Variants in HERC4 observed in about 807,000 individuals in gnomAD.
HERC4 encodes HECT and RLD domain containing E3 ubiquitin protein ligase 4, also known as probable E3 ubiquitin-protein ligase HERC4.
In HERC4, 28 loss-of-function variants were observed where a neutral mutation model predicts 124.3. The ratio of observed to expected loss-of-function variants is 0.23; its 90% CI spans 0.17 to 0.31. The LOEUF (loss-of-function observed/expected upper bound fraction) is 0.31. Among genes scored for constraint, HERC4 ranks in the 10% least tolerant of loss-of-function variants. HERC4 has a pLI of 1.00. For synonymous variants in HERC4, 407 were observed against 421.5 expected (o/e 0.97, Z 0.42); for missense variants, 713 against 1,229.3 (o/e 0.58, Z 6.28).
At chr10:67,987,319 A>C (rs998354168) in intron 15 of HERC4, among the ~76,000 whole-genome samples, 1 of 152,192 alleles carries the variant, frequency 6.6e-6, no homozygotes, top group Non-Finnish European at 1.5e-5. Context: ...AGACACAGCT[A>C]AGAAAAAAAA....
At chr10:67,988,937 T>A in intron 14 of HERC4, 102 bp from the exon 15 acceptor site, 1 of 874,354 alleles carries the variant, frequency 1.1e-6, no homozygotes, top group Admixed American at 2.5e-5. Context: ...TTGTTAAACC[T>A]GAGAAAACCC....
intron 9 of HERC4, chr10:68,010,848 CT>C: frequency 6.5e-7 from 1 of 1,532,504 alleles, no homozygotes; most frequent in Non-Finnish European, 9.0e-7. Flanking sequence ...TGCTCAAGTT[CT>C]TTCTGCAGAG....
intron 3 of HERC4, among the ~76,000 whole-genome samples, chr10:68,049,228 GAA>G (rs2040163655): frequency 6.6e-6 from 1 of 151,738 alleles, no homozygotes; most frequent in Non-Finnish European, 1.5e-5. Context: ...ACATTGTTAT[GAA>G]AAGATCCCCA....
In HERC4 at chr10:67,956,730, T is replaced by C; in HGVS notation, c.2025+148A>G. On this transcript the variant is annotated intron_variant, in intron 17 of 24. Transcript: ENST00000373700. ...TTTTATAAATGTTCTCATAAGAATA[T>C]ACATATCACATGCAGCAGTCTTCTT... is the stretch of plus-strand genomic sequence containing the variant. 6.6e-6 allele frequency: 3 copies of C among 452,692 alleles called. No individual in the cohort carries two copies. The East Asian group carries it at 9.5e-5, about 14-fold the overall frequency. 28.0% of individuals were successfully genotyped at this position (452,692 alleles called of 1,614,324 possible). A position where few individuals can be genotyped will look rare whatever the true frequency, so the allele number is the denominator to read the frequency against.
At chr10:68,060,530 C>G (rs746368133) in intron 3 of HERC4, among the ~76,000 whole-genome samples, 1 of 152,114 alleles carries the variant, frequency 6.6e-6, no homozygotes, top group Non-Finnish European at 1.5e-5. Flanking sequence ...TGAGCCACCG[C>G]GTCCAGCCAT....
At chr10:68,060,528 C>G (rs945113209) in intron 3 of HERC4, among the ~76,000 whole-genome samples, 8 of 152,098 alleles carry the variant, frequency 5.3e-5, no homozygotes, top group African/African-American at 1.9e-4. Flanking sequence ...CGTGAGCCAC[C>G]GCGTCCAGCC....
At chr10:68,018,073 GAAT>G (rs762104514) in intron 8 of HERC4, among the ~76,000 whole-genome samples, 2 of 151,764 alleles carry the variant, frequency 1.3e-5, no homozygotes, top group Non-Finnish European at 1.5e-5. Context: ...CTGGTGAAAA[GAAT>G]AATAAGAAAA....
chr10:68,048,774 C>T (rs1346868291), intron 3 of HERC4, among the ~76,000 whole-genome samples: 1 of 152,164 alleles, frequency 6.6e-6, no homozygotes, highest in Non-Finnish European at 1.5e-5. Flanking sequence ...TAGAAGGGAA[C>T]TCTTTATTTT....
At position 68,033,224 on chromosome 10, in the gene HERC4, GA is replaced by G. The variant is rs34940978; in HGVS notation, c.686-356del. ...CCACAGGAGCCTACTTAAAAGCCTGGAAAAAAAAATGTACTTTAGGCTGTTT... is the reference window on the plus strand; with the variant it reads ...CCACAGGAGCCTACTTAAAAGCCTGGAAAAAAAATGTACTTTAGGCTGTTT... On this transcript the variant is annotated intron_variant, in intron 6 of 24. Coordinates refer to ENST00000373700, the MANE Select transcript of HERC4 (RefSeq NM_015601.4). Among the ~76,000 whole-genome samples, 448 of 150,598 alleles carry G rather than the reference GA, an allele frequency of 3.0e-3. 1 individual carries two copies. Among genetic ancestry groups the G allele is most frequent in the African/African-American group, 0.011 (434 of 41,134 alleles).
chr10:68,019,623 T>C (rs2038487372), intron 8 of HERC4, among the ~76,000 whole-genome samples: 2 of 152,074 alleles, frequency 1.3e-5, no homozygotes, highest in African/African-American at 2.4e-5. Context: ...ATTCTGCAAC[T>C]CTGGAGTCTA....
rs928948659 is a variant in HERC4, at chr10:67,942,896, C to T, written c.2338-1791G>A. On this transcript the variant is annotated intron_variant, in intron 19 of 24. Coordinates refer to ENST00000373700, the MANE Select transcript of HERC4 (RefSeq NM_015601.4). ...TCTGTATATATACTCTATGCACACA[C>T]AAACACATTTTTCTTTTGAGTTTAA... Among the ~76,000 whole-genome samples, 11 of 152,276 alleles carry T rather than the reference C, an allele frequency of 7.2e-5. No homozygotes were observed. In the East Asian group the frequency reaches 1.2e-3, roughly 16 times the overall value.
At chr10:67,954,931 T>C (rs752731519) in intron 18 of HERC4, 32 bp downstream of exon 18, 1 of 1,553,660 alleles carries the variant, frequency 6.4e-7, no homozygotes, top group Admixed American at 2.3e-5. Flanking sequence ...TGAATAAAAG[T>C]CCCAATTATA....
intron 23 of HERC4, among the ~76,000 whole-genome samples, chr10:67,928,671 C>T (rs1388725847): frequency 6.6e-6 from 1 of 152,042 alleles, no homozygotes; most frequent in Non-Finnish European, 1.5e-5. Flanking sequence ...ACCTGTAATC[C>T]CAGCACTTTG....
Position 67,990,278 on chromosome 10 carries a change from G to A in HERC4, c.1566C>T (p.Phe522=), listed in dbSNP as rs758916636. The part of the protein sequence containing the change: ...ECPLMSDSNN[F]TTIAIPFGTA... Reference sequence around the variant, plus strand: ...TACCAAAGGGAATTGCTATTGTTGTGAAATTGTTGGAATCACTCATCAGGG... The same window carrying A: ...TACCAAAGGGAATTGCTATTGTTGTAAAATTGTTGGAATCACTCATCAGGG... Residue 522 remains phenylalanine (F), a synonymous_variant, in exon 14 of 25, where the codon TTC becomes TTT. Transcript: ENST00000373700. The A allele has an allele frequency of 1.2e-6, 2 of 1,612,888 alleles. No homozygotes were observed. The highest frequency in any genetic ancestry group is 2.7e-5 in the African/African-American group (2 of 74,978).
chr10:68,066,786 A>C (rs770763580), intron 3 of HERC4, among the ~76,000 whole-genome samples: 9 of 152,206 alleles, frequency 5.9e-5, no homozygotes, highest in Non-Finnish European at 1.0e-4. Context: ...TACCATAGTT[A>C]AGTTTCTGTT....
Position 67,941,104 on chromosome 10 carries a change from G to C in HERC4, c.2339C>G (p.Thr780Arg). The C allele has an allele frequency of 6.5e-7, 1 of 1,527,094 alleles. No homozygotes were observed. The highest frequency in any genetic ancestry group is 8.7e-7 in the Non-Finnish European group (1 of 1,143,562). The allele number at this position is 1,527,094 out of a possible 1,614,324, so 94.6% of individuals were successfully genotyped here. A position where few individuals can be genotyped will look rare whatever the true frequency, so the allele number is the denominator to read the frequency against. Reference protein sequence around the residue: ...DSRLIWFSDKTFEDSDLFHLI... With the variant: ...DSRLIWFSDKRFEDSDLFHLI... The stretch of plus-strand genomic sequence containing the variant: ...ATGGAACAAATCACTGTCTTCAAAT[G>C]TCTAAAAATATAAGAAAAAGTAAAC... Residue 780 changes from threonine to arginine, a missense_variant and splice_region_variant, in exon 20 of 25, where the codon ACA becomes AGA. Physicochemically the swap from Thr to Arg is moderately conservative, Grantham distance 71 (BLOSUM62 -1). Coordinates refer to ENST00000373700, the MANE Select transcript of HERC4 (RefSeq NM_015601.4).
intron 3 of HERC4, among the ~76,000 whole-genome samples, chr10:68,054,636 T>C (rs2040467309): frequency 6.6e-6 from 1 of 152,130 alleles, no homozygotes; most frequent in African/African-American, 2.4e-5. Flanking sequence ...GAGACATATA[T>C]CTGTCCCATT....
At chr10:68,020,637 C>T (rs2038561763) in intron 8 of HERC4, among the ~76,000 whole-genome samples, 1 of 151,014 alleles carries the variant, frequency 6.6e-6, no homozygotes, top group African/African-American at 2.4e-5. Flanking sequence ...GGCGTAGTGG[C>T]GGGCGCCTGT....
rs190652150 is a variant in HERC4, at chr10:68,073,163, C to T, written c.-55G>A. The T allele has an allele frequency of 8.4e-4, 1,233 of 1,463,418 alleles. 10 individuals carry two copies. The African/African-American group carries it at 0.015, about 18-fold the overall frequency. 90.7% of individuals were successfully genotyped at this position (1,463,418 alleles called of 1,614,324 possible). A position where few individuals can be genotyped will look rare whatever the true frequency, so the allele number is the denominator to read the frequency against. On this transcript the variant is annotated 5_prime_UTR_variant, in exon 3 of 25. Transcript: ENST00000373700. ...AATAAAAAATTCTCTTCTGAAACCC[C>T]GGAAAGTTGGAGGTACCCTATGTCT...
Sources: gnomAD v4.1 joint callset for allele counts (sites outside exome capture counted in the v4.1 genomes callset) on GRCh38, gnomAD v4.1.1 for gene constraint, MANE v1.5 for transcripts, NCBI Gene and HGNC (gene_info 2026-07-23, HGNC 2026-07-21) for gene names.